Variants in GLIS3 observed in about 807,000 individuals in gnomAD.
GLIS3 encodes zinc finger protein GLIS3.
A neutral mutation model predicts 78.6 loss-of-function variants in GLIS3; 53 were observed. That is an observed-to-expected ratio of 0.67 (90% CI 0.54 to 0.85). The LOEUF (loss-of-function observed/expected upper bound fraction) is 0.85, where lower values mean the gene tolerates loss of function less well. Ranked by LOEUF, GLIS3 falls within the 40% of genes least tolerant of loss-of-function variation. The probability of loss-of-function intolerance (pLI) is 0.00; values close to 1 mark genes in which losing one functional copy is unlikely to be tolerated. For synonymous variants in GLIS3, 684 were observed against 509.9 expected (o/e 1.34, Z -4.60); for missense variants, 1,703 against 1,231.1 (o/e 1.38, Z -5.74).
chr9:4,194,886 G>C (rs1305780389), intron 2 of GLIS3, among the ~76,000 whole-genome samples: 1 of 152,230 alleles, frequency 6.6e-6, no homozygotes, highest in Non-Finnish European at 1.5e-5. Flanking sequence ...TGTTTTCCCA[G>C]ACCCAGGACC....
At chr9:3,920,940 C>A (rs1261736919) in intron 6 of GLIS3, among the ~76,000 whole-genome samples, 2 of 152,134 alleles carry the variant, frequency 1.3e-5, no homozygotes, top group African/African-American at 2.4e-5. Flanking sequence ...TTTTTCAAAG[C>A]TCAGTGATGT....
chr9:4,160,797 G>C (rs1310826675), intron 2 of GLIS3, among the ~76,000 whole-genome samples: 1 of 151,970 alleles, frequency 6.6e-6, no homozygotes, highest in Non-Finnish European at 1.5e-5. Context: ...TTAACTTCTG[G>C]AGGCATGTAG....
Position 3,855,843 on chromosome 9 carries a change from C to T in GLIS3, c.2473+166G>A. 8 of 749,986 alleles carry T rather than the reference C, an allele frequency of 1.1e-5. No homozygotes were observed. In the Middle Eastern group the frequency reaches 2.0e-3, roughly 186 times the overall value. 46.5% of individuals were successfully genotyped at this position (749,986 alleles called of 1,614,324 possible). The stretch of plus-strand genomic sequence containing the variant: ...TCATCAGGCCAAAGTCAGGAAAATA[C>T]CATAGGATTTCATGCCTATCAAGTG... On this transcript the variant is annotated intron_variant, in intron 9 of 10. Coordinates refer to ENST00000381971, the MANE Select transcript of GLIS3 (RefSeq NM_001042413.2).
At chr9:4,089,952 T>TC in intron 4 of GLIS3, among the ~76,000 whole-genome samples, 1 of 152,184 alleles carries the variant, frequency 6.6e-6, no homozygotes, top group African/African-American at 2.4e-5. Context: ...AAGTGGTGCC[T>TC]CCCACTGTGT....
intron 2 of GLIS3, among the ~76,000 whole-genome samples, chr9:4,214,045 T>G (rs1381285590): frequency 6.6e-6 from 1 of 151,968 alleles, no homozygotes; most frequent in Non-Finnish European, 1.5e-5. Flanking sequence ...GGAGTGAGTA[T>G]GTGTAGTCTT....
chr9:4,172,032 AT>A (rs1212414869), intron 2 of GLIS3, among the ~76,000 whole-genome samples: 2 of 152,242 alleles, frequency 1.3e-5, no homozygotes, highest in East Asian at 3.9e-4. Context: ...TATCTGCTAA[AT>A]ATTTCTCTTT....
chr9:4,490,126 G>C, the GLIS3 span, among the ~76,000 whole-genome samples: 4 of 152,328 alleles, frequency 2.6e-5, no homozygotes, highest in East Asian at 3.9e-4. Context: ...AGAGGGAGAC[G>C]TGCAGGATGA....
intron 6 of GLIS3, among the ~76,000 whole-genome samples, chr9:3,908,579 C>G (rs981054308): frequency 2.0e-5 from 3 of 152,156 alleles, no homozygotes; most frequent in Admixed American, 6.5e-5. Context: ...TTCAACCTTA[C>G]TAGTGAAATC....
intron 4 of GLIS3, among the ~76,000 whole-genome samples, chr9:4,015,860 G>T (rs1183840345): frequency 7.6e-6 from 1 of 131,712 alleles, no homozygotes; most frequent in African/African-American, 3.1e-5. Context: ...TTGCACTTTA[G>T]CCTGAGTGAC....
chr9:4,399,843 G>T, the GLIS3 span, among the ~76,000 whole-genome samples: 1 of 152,320 alleles, frequency 6.6e-6, no homozygotes, highest in South Asian at 2.1e-4. Flanking sequence ...GAGGCATGAT[G>T]CTGTAGCTGA....
chr9:4,061,172 C>T (rs1826619841), intron 4 of GLIS3, among the ~76,000 whole-genome samples: 2 of 151,310 alleles, frequency 1.3e-5, no homozygotes, highest in Non-Finnish European at 2.9e-5. Context: ...CCCATTAACT[C>T]GTCATTTACA....
At chr9:4,127,065 C>A (rs1439133819) in intron 2 of GLIS3, among the ~76,000 whole-genome samples, 1 of 152,086 alleles carries the variant, frequency 6.6e-6, no homozygotes, top group African/African-American at 2.4e-5. Context: ...CAAGAGCCCC[C>A]CAAAACAATA....
chr9:4,197,962 G>C (rs1421818769), intron 2 of GLIS3, among the ~76,000 whole-genome samples: 1 of 151,938 alleles, frequency 6.6e-6, no homozygotes, highest in Non-Finnish European at 1.5e-5. Context: ...GAGACAAAAA[G>C]AAAGAACAAA....
chr9:4,470,515 C>T, the GLIS3 span, among the ~76,000 whole-genome samples: 2 of 152,214 alleles, frequency 1.3e-5, no homozygotes, highest in Non-Finnish European at 2.9e-5. Flanking sequence ...ACATGATTAT[C>T]TCAATAGATG....
intron 3 of GLIS3, chr9:4,123,733 G>T: frequency 2.5e-6 from 1 of 397,460 alleles, no homozygotes; most frequent in South Asian, 1.3e-4. Flanking sequence ...GTATATGTTT[G>T]ACTATAACTG....
At chr9:4,446,481 TA>T in the GLIS3 span, among the ~76,000 whole-genome samples, 1 of 151,580 alleles carries the variant, frequency 6.6e-6, no homozygotes, top group Admixed American at 6.6e-5. Flanking sequence ...CCAAGTGGAC[TA>T]AGACAGCAGG....
intron 9 of GLIS3, among the ~76,000 whole-genome samples, chr9:3,842,651 C>A (rs1002385679): frequency 1.3e-5 from 2 of 152,172 alleles, no homozygotes; most frequent in Non-Finnish European, 2.9e-5. Context: ...GCATCAGCTC[C>A]ACCTTGGCAT....
At position 3,932,342 on chromosome 9, in the gene GLIS3, A is replaced by C; in HGVS notation, c.1983+18T>G. On this transcript the variant is annotated intron_variant, in intron 6 of 10. Transcript: ENST00000381971. ...TGAACATGCTTTTCCCGACTGGAAG[A>C]TTCTCTTTTAAAATTACCTTTTTCC... 1 of 1,571,654 alleles carries C rather than the reference A, an allele frequency of 6.4e-7. No homozygotes were observed. Among genetic ancestry groups the C allele is most frequent in the East Asian group, 2.2e-5 (1 of 44,636 alleles).
chr9:4,127,336 G>A (rs1391943231), intron 2 of GLIS3, among the ~76,000 whole-genome samples: 3 of 152,040 alleles, frequency 2.0e-5, no homozygotes, highest in Non-Finnish European at 2.9e-5. Flanking sequence ...TTTCTTCCTT[G>A]TACACTTTCC....
Sources: gnomAD v4.1 joint callset for allele counts (sites outside exome capture counted in the v4.1 genomes callset) on GRCh38, gnomAD v4.1.1 for gene constraint, MANE v1.5 for transcripts, NCBI Gene and HGNC (gene_info 2026-07-23, HGNC 2026-07-21) for gene names.